The following CCN3 variants were observed in gnomAD, a reference collection of about 807,000 sequenced individuals.
CCN3 encodes the protein CCN family member 3.
CCN3 carries 20 observed loss-of-function variants against 33.4 expected under a neutral mutation model. The ratio of observed to expected loss-of-function variants is 0.60; its 90% CI spans 0.42 to 0.87. CCN3 has a LOEUF of 0.87. CCN3 is among the 40% of genes least tolerant of loss of function. The pLI is 0.00. For missense variants in CCN3, 465 were observed against 455.3 expected, an observed-to-expected ratio of 1.02 and a Z score of -0.19; for synonymous variants, 205 against 170.4, an observed-to-expected ratio of 1.20 and a Z score of -1.58.
intron 4 of CCN3, among the ~76,000 whole-genome samples, chr8:119,421,400 T>G (rs1036546968): frequency 6.6e-6 from 1 of 152,164 alleles, no homozygotes; most frequent in Non-Finnish European, 1.5e-5. Context: ...CCACATCGGA[T>G]GTACTGAATC....
chr8:119,422,792 G>T, intron 4 of CCN3, 44 bp from the exon 5 acceptor site: 1 of 1,485,092 alleles, frequency 6.7e-7, no homozygotes, highest in Non-Finnish European at 9.2e-7. Flanking sequence ...GTCCCTCAGG[G>T]GAATGGTAGC....
At position 119,423,789 on chromosome 8, in the gene CCN3, A is replaced by G. The variant is rs927173284; in HGVS notation, c.*657A>G. ...AACTTTCTCCATTTAAGACACATTG[A>G]CTCCTTTCCAATAGAAAGAAACTAA... On this transcript the variant is annotated 3_prime_UTR_variant, in exon 5 of 5. Coordinates refer to ENST00000259526, the MANE Select transcript of CCN3 (RefSeq NM_002514.4). The G allele has an allele frequency of 6.6e-6, 1 of 152,156 alleles. No individual in the cohort carries two copies. The highest frequency in any genetic ancestry group is 1.5e-5 in the Non-Finnish European group (1 of 68,038). The allele number at this position is 152,156 out of a possible 1,614,324, so 9.4% of individuals were successfully genotyped here. A position where few individuals can be genotyped will look rare whatever the true frequency, so the allele number is the denominator to read the frequency against.
Position 119,422,817 on chromosome 8 carries a change from C to G in CCN3, c.778-19C>G. 1 of 1,584,000 alleles carries G rather than the reference C, an allele frequency of 6.3e-7. No homozygotes were observed. Among genetic ancestry groups the G allele is most frequent in the East Asian group, 2.2e-5 (1 of 44,554 alleles). ...GGAATGGTAGCCATTCAATACATCA[C>G]TTCTTTTTTCTTTCTTAGAAAGGAA... On this transcript the variant is annotated intron_variant, in intron 4 of 4. Coordinates refer to ENST00000259526, the MANE Select transcript of CCN3 (RefSeq NM_002514.4).
In CCN3 at chr8:119,416,927, G is replaced by C; in HGVS notation, c.268G>C (p.Asp90His). ...PCDESSGLYC[D>H]RSADPSNQTG... ...CGACGAGAGCAGTGGCCTCTACTGT[G>C]ATCGCAGCGCGGACCCCAGCAACCA... The change falls in exon 2 of 5, where the codon GAT becomes CAT. Residue 90 changes from aspartate (D) to histidine (H), a missense_variant. Transcript: ENST00000259526. 6.2e-7 allele frequency: 1 copy of C among 1,613,804 alleles called. No individual in the cohort carries two copies.
chr8:119,419,724 T>C (rs17791184), intron 4 of CCN3, among the ~76,000 whole-genome samples: 27,951 of 152,240 alleles, frequency 0.18, 2,766 homozygotes, highest in Non-Finnish European at 0.22. Flanking sequence ...CGTCAGGTTC[T>C]GTATGTATGG....
chr8:119,417,924 C>T (rs1820074080), intron 2 of CCN3, 134 bp from the exon 3 acceptor site: 6 of 852,448 alleles, frequency 7.0e-6, no homozygotes, highest in Non-Finnish European at 1.1e-5. Context: ...ACATGAGAAA[C>T]CAGATCGCCT....
At chr8:119,417,235 G>A in intron 2 of CCN3, 1 of 448,226 alleles carries the variant, frequency 2.2e-6, no homozygotes, top group Non-Finnish European at 4.0e-6. Flanking sequence ...TCTAAGCAAA[G>A]GGGGAGCCAC....
intron 4 of CCN3, 57 bp downstream of exon 4, chr8:119,419,402 CCTGGGCTTCAGAAAGTCA>C (rs1820095573): frequency 6.5e-7 from 1 of 1,545,496 alleles, no homozygotes; most frequent in South Asian, 1.1e-5. Context: ...GTCCTTGGAG[CCTGGGCTTCAGAAAGTCA>C]CTGTGTCACT....
In CCN3 at chr8:119,419,387, CT is replaced by C. The variant is rs757191030; in HGVS notation, c.777+44del. Reference sequence around the variant, plus strand: ...AACCTCCCATCCTGAAGGTAATGGCCTTGTGTCCTTGGAGCCTGGGCTTCAG... The same window carrying C: ...AACCTCCCATCCTGAAGGTAATGGCCTGTGTCCTTGGAGCCTGGGCTTCAG... On this transcript the variant is annotated intron_variant, in intron 4 of 4. Transcript: ENST00000259526. 81 of 1,583,904 alleles carry C rather than the reference CT, an allele frequency of 5.1e-5. 1 individual carries two copies. The Admixed American group carries it at 1.1e-3, about 21-fold the overall frequency.
At position 119,423,321 on chromosome 8, in the gene CCN3, T is replaced by C. The variant is rs16892531; in HGVS notation, c.*189T>C. 1.8e-6 allele frequency: 1 copy of C among 553,958 alleles called. No individual in the cohort carries two copies. The allele number at this position is 553,958 out of a possible 1,614,324, so 34.3% of individuals were successfully genotyped here. On this transcript the variant is annotated 3_prime_UTR_variant, in exon 5 of 5. Coordinates refer to ENST00000259526, the MANE Select transcript of CCN3 (RefSeq NM_002514.4). ...CAAAAAATGTAATTAACTGTAAACTTGGAATCAAGGTAAGCTCAGGATATG... is the reference window on the plus strand; with the variant it reads ...CAAAAAATGTAATTAACTGTAAACTCGGAATCAAGGTAAGCTCAGGATATG...
rs759221718 is a variant in CCN3 at position 119,419,482 on chromosome 8, G to T, written c.777+137G>T. On this transcript the variant is annotated intron_variant, in intron 4 of 4. Coordinates refer to ENST00000259526, the MANE Select transcript of CCN3 (RefSeq NM_002514.4). ...GGGAGTTAACCCCAGAGAAAAGGCA[G>T]TGGGGTTCTTGAAGCCAGCCTATCT... 13 of 785,648 alleles carry T rather than the reference G, an allele frequency of 1.7e-5. No homozygotes were observed. The South Asian group carries it at 2.3e-4, about 14-fold the overall frequency. 48.7% of individuals were successfully genotyped at this position (785,648 alleles called of 1,614,324 possible). A position where few individuals can be genotyped will look rare whatever the true frequency, so the allele number is the denominator to read the frequency against.
In CCN3 at chr8:119,419,124, C is replaced by A. The variant is rs1279190376; in HGVS notation, c.563-7C>A. 1.9e-6 allele frequency: 3 copies of A among 1,610,040 alleles called. No individual in the cohort carries two copies. The highest frequency in any genetic ancestry group is 2.5e-6 in the Non-Finnish European group (3 of 1,176,556). On this transcript the variant is annotated splice_polypyrimidine_tract_variant and splice_region_variant and intron_variant, in intron 3 of 4. Transcript: ENST00000259526. ...AATATGGCTGTCTTTATTTATACAT[C>A]CCATAGCTTACAGGCCAGAAGCCAC...
rs767923654 is a variant in CCN3, at chr8:119,422,843, A to G, written c.785A>G (p.Lys262Arg). The G allele has an allele frequency of 7.5e-6, 12 of 1,598,234 alleles. No homozygotes were observed. The East Asian group carries it at 1.8e-4, about 24-fold the overall frequency. ...EPEQPTDKKGKKCLRTKKSLK... is the reference protein window; with the variant it reads ...EPEQPTDKKGRKCLRTKKSLK... ...TTCTTTTTTCTTTCTTAGAAAGGAAAAAAGTGTCTCCGCACCAAGAAGTCA... is the reference window on the plus strand; with the variant it reads ...TTCTTTTTTCTTTCTTAGAAAGGAAGAAAGTGTCTCCGCACCAAGAAGTCA... The change falls in exon 5 of 5, where the codon AAA becomes AGA. Residue 262 changes from lysine to arginine, a missense_variant. By Grantham distance (26) the Lys-to-Arg change is conservative (BLOSUM62 2). Coordinates refer to ENST00000259526, the MANE Select transcript of CCN3 (RefSeq NM_002514.4).
At chr8:119,417,038 T>C in intron 2 of CCN3, 69 bp downstream of exon 2, 1 of 1,319,672 alleles carries the variant, frequency 7.6e-7, no homozygotes, top group Non-Finnish European at 1.1e-6. Context: ...CTCCCTTCTC[T>C]TTTGTATTCC....
At chr8:119,421,803 T>C (rs7816347) in intron 4 of CCN3, among the ~76,000 whole-genome samples, 27,902 of 152,172 alleles carry the variant, frequency 0.18, 2,753 homozygotes, top group Non-Finnish European at 0.22. Context: ...TTCTGATCCC[T>C]TTAGGTCTTT....
rs772820929 is a variant in CCN3, at chr8:119,418,173, C to G, written c.426C>G (p.Pro142=). 22 of 1,614,086 alleles carry G rather than the reference C, an allele frequency of 1.4e-5. No individual in the cohort carries two copies. The highest frequency in any genetic ancestry group is 3.3e-5 in the Admixed American group (2 of 60,008). The change falls in exon 3 of 5, where the codon CCC becomes CCG. Residue 142 remains proline (P), a synonymous_variant. Transcript: ENST00000259526. The part of the protein sequence containing the change: ...TCRDGQIGCV[P]RCQLDVLLPE... ...GAGATGGGCAGATTGGCTGTGTGCCCCGCTGTCAGCTGGATGTGCTACTGC... is the reference window on the plus strand; with the variant it reads ...GAGATGGGCAGATTGGCTGTGTGCCGCGCTGTCAGCTGGATGTGCTACTGC...
Position 119,416,834 on chromosome 8 carries a change from G to C in CCN3, c.175G>C (p.Asp59His). The change falls in exon 2 of 5, where the codon GAC (aspartate) becomes CAC (histidine). Residue 59 changes from aspartate to histidine, a missense_variant. Physicochemically the swap from Asp to His is moderately conservative, Grantham distance 81 (BLOSUM62 -1). Transcript: ENST00000259526. Reference protein sequence around the residue: ...TCAPGVRAVLDGCSCCLVCAR... With the variant: ...TCAPGVRAVLHGCSCCLVCAR... ...CGCCCCCGGGGTGCGCGCGGTGCTG[G>C]ACGGCTGCTCATGCTGTCTGGTGTG... is the stretch of plus-strand genomic sequence containing the variant. 6.2e-7 allele frequency: 1 copy of C among 1,612,044 alleles called. No individual in the cohort carries two copies. Among genetic ancestry groups the C allele is most frequent in the Non-Finnish European group, 8.5e-7 (1 of 1,179,438 alleles).
intron 4 of CCN3, among the ~76,000 whole-genome samples, chr8:119,422,172 AAG>A (rs1820133679): frequency 6.6e-6 from 1 of 151,630 alleles, no homozygotes; most frequent in South Asian, 2.1e-4. Flanking sequence ...GAGAGAGAGA[AAG>A]AGAGAGAGAA....
chr8:119,421,438 C>T (rs1291655602), intron 4 of CCN3, among the ~76,000 whole-genome samples: 1 of 152,170 alleles, frequency 6.6e-6, no homozygotes, highest in African/African-American at 2.4e-5. Context: ...GGTCTGACAG[C>T]TTGTTTTAAG....
Sources: gnomAD v4.1 joint callset for allele counts (sites outside exome capture counted in the v4.1 genomes callset) on GRCh38, gnomAD v4.1.1 for gene constraint, MANE v1.5 for transcripts, NCBI Gene and HGNC (gene_info 2026-07-23, HGNC 2026-07-21) for gene names.